Variants in IRAK2 observed in about 807,000 individuals in gnomAD.
The protein encoded by IRAK2 is interleukin-1 receptor-associated kinase-like 2.
In IRAK2, 57 loss-of-function variants were observed where a neutral mutation model predicts 72.0. The observed-to-expected ratio is 0.79, with a 90% CI of 0.64 to 0.99. The LOEUF (loss-of-function observed/expected upper bound fraction) is 0.99, where lower values mean the gene tolerates loss of function less well. IRAK2 is among the 50% of genes least tolerant of loss of function. The probability of loss-of-function intolerance (pLI) is 0.00; values close to 1 mark genes in which losing one functional copy is unlikely to be tolerated. For missense variants in IRAK2, 790 were observed against 794.4 expected, an observed-to-expected ratio of 0.99 and a Z score of 0.07; for synonymous variants, 293 against 312.7, an observed-to-expected ratio of 0.94 and a Z score of 0.67.
At chr3:10,200,224 A>G (rs2125151531) in intron 2 of IRAK2, 145 bp from the exon 3 acceptor site, 1 of 672,506 alleles carries the variant, frequency 1.5e-6, no homozygotes, top group East Asian at 2.7e-5. Flanking sequence ...GGGGCCAGAA[A>G]GGGAAAGACC....
rs200747201 is a variant in IRAK2 at position 10,222,866 on chromosome 3, A to T, written c.1209+35A>T. The stretch of plus-strand genomic sequence containing the variant: ...TCCTGCTCTGCGTAGAGTGGGGCCC[A>T]CCTTGATTTGTCCTTCCCACGGCTC... On this transcript the variant is annotated intron_variant, in intron 9 of 12. Coordinates refer to ENST00000256458, the MANE Select transcript of IRAK2 (RefSeq NM_001570.4). 1.8e-5 allele frequency: 29 copies of T among 1,583,158 alleles called. No homozygotes were observed. In the African/African-American group the frequency reaches 3.1e-4, roughly 17 times the overall value.
At chr3:10,213,098 A>C in intron 4 of IRAK2, 109 bp from the exon 5 acceptor site, 1 of 908,246 alleles carries the variant, frequency 1.1e-6, no homozygotes, top group Non-Finnish European at 1.7e-6. Context: ...TTTCCATTGG[A>C]TAAGTTGATC....
chr3:10,198,012 A>T (rs1303496438), intron 2 of IRAK2, among the ~76,000 whole-genome samples: 2 of 151,414 alleles, frequency 1.3e-5, no homozygotes, highest in African/African-American at 4.9e-5. Context: ...ATCCTGGCTA[A>T]CACAGTGAAA....
At chr3:10,234,355 GT>G (rs1697914890) in intron 10 of IRAK2, 103 bp from the exon 11 acceptor site, 1 of 909,490 alleles carries the variant, frequency 1.1e-6, no homozygotes, top group Admixed American at 2.0e-5. Context: ...TGTCCGGTCG[GT>G]TTTCTGAGCA....
At chr3:10,235,772 C>T (rs1697946441) in intron 11 of IRAK2, among the ~76,000 whole-genome samples, 3 of 152,150 alleles carry the variant, frequency 2.0e-5, no homozygotes, top group South Asian at 2.1e-4. Flanking sequence ...AGTGAAGGGC[C>T]ACAGACGAGA....
Position 10,213,526 on chromosome 3 carries a change from G to A in IRAK2, c.766G>A (p.Ala256Thr). ...SPGSIERFFQ[A>T]ELQICLRCCH... Reference sequence around the variant, plus strand: ...AGGATCAATCGAAAGATTCTTCCAGGCAGAGTTGCAGATTTGTCTTAGGTA... The same window carrying A: ...AGGATCAATCGAAAGATTCTTCCAGACAGAGTTGCAGATTTGTCTTAGGTA... Residue 256 changes from alanine (A) to threonine (T), a missense_variant, in exon 6 of 13, where the codon GCA (alanine) becomes ACA (threonine). Coordinates refer to ENST00000256458, the MANE Select transcript of IRAK2 (RefSeq NM_001570.4). The A allele has an allele frequency of 1.2e-6, 2 of 1,614,040 alleles. No homozygotes were observed. Among genetic ancestry groups the A allele is most frequent in the Non-Finnish European group, 1.7e-6 (2 of 1,179,972 alleles).
chr3:10,190,299 GAGAC>G lies in IRAK2; in HGVS notation c.278-10066_278-10063del, dbSNP rs1340519736. Among the ~76,000 whole-genome samples the G allele has an allele frequency of 7.8e-5, 8 of 101,952 alleles. No homozygotes were observed. In the South Asian group the frequency reaches 2.6e-3, roughly 33 times the overall value. 66.9% of individuals were successfully genotyped at this position (101,952 alleles called of 152,430 possible). ...TGTTTCTTTTTTTTTTTTTTTTTGT[GAGAC>G]AGAGTCTCACTCTGTTGTCCAGGCT... On this transcript the variant is annotated intron_variant, in intron 2 of 12. Transcript: ENST00000256458.
At chr3:10,170,305 C>A (rs1172671452) in intron 1 of IRAK2, among the ~76,000 whole-genome samples, 2 of 152,228 alleles carry the variant, frequency 1.3e-5, no homozygotes, top group Non-Finnish European at 2.9e-5. Context: ...CTTGGCCAGA[C>A]CCAGAGAATC....
intron 1 of IRAK2, among the ~76,000 whole-genome samples, chr3:10,170,406 T>C (rs893681434): frequency 6.6e-6 from 1 of 152,200 alleles, no homozygotes; most frequent in African/African-American, 2.4e-5. Context: ...GTCTCGGGGC[T>C]TAGGATGTGG....
chr3:10,237,847 T>G (rs1575993046), intron 11 of IRAK2, among the ~76,000 whole-genome samples: 1 of 150,738 alleles, frequency 6.6e-6, no homozygotes, highest in Non-Finnish European at 1.5e-5. Context: ...ATGGATACAT[T>G]AGTATACTGA....
At chr3:10,230,265 T>A (rs1697838128) in intron 10 of IRAK2, among the ~76,000 whole-genome samples, 1 of 151,956 alleles carries the variant, frequency 6.6e-6, no homozygotes. Context: ...CTCTATAAAT[T>A]GAGGATAATA....
At chr3:10,239,557 T>C (rs1265721810) in intron 12 of IRAK2, among the ~76,000 whole-genome samples, 1 of 151,940 alleles carries the variant, frequency 6.6e-6, no homozygotes, top group Non-Finnish European at 1.5e-5. Context: ...AAACCCTGTC[T>C]CTACTAAAAA....
intron 3 of IRAK2, among the ~76,000 whole-genome samples, chr3:10,208,869 A>G (rs148835434): frequency 0.011 from 1,737 of 152,232 alleles, 29 homozygotes; most frequent in African/African-American, 0.039. Context: ...TCAGCCTCCC[A>G]AAGTGCTGGT....
rs74603251 is a variant in IRAK2, at chr3:10,208,371, G to T, written c.425-1218G>T. On this transcript the variant is annotated intron_variant, in intron 3 of 12. Coordinates refer to ENST00000256458, the MANE Select transcript of IRAK2 (RefSeq NM_001570.4). The stretch of plus-strand genomic sequence containing the variant: ...GGCTAGAGTGCAGTGGTGTGATCAT[G>T]GCTCAATATAGCCTTGACCTCCTGG... Among the ~76,000 whole-genome samples the T allele has an allele frequency of 1.5e-3, 230 of 151,844 alleles. 1 individual carries two copies. The highest frequency in any genetic ancestry group is 5.4e-3 in the African/African-American group (222 of 41,242).
intron 10 of IRAK2, among the ~76,000 whole-genome samples, chr3:10,226,964 A>AAAG (rs1697788999): frequency 6.7e-6 from 1 of 148,366 alleles, no homozygotes; most frequent in African/African-American, 2.5e-5. Context: ...AAAAAAAAAA[A>AAAG]AGATTTTGGA....
chr3:10,214,518 A>C (rs1396893094), intron 6 of IRAK2, among the ~76,000 whole-genome samples: 1 of 144,956 alleles, frequency 6.9e-6, no homozygotes, highest in Admixed American at 7.1e-5. Context: ...GGTGTGAGCC[A>C]CTGTGCCCTG....
At chr3:10,167,555 C>G (rs1364990350) in intron 1 of IRAK2, among the ~76,000 whole-genome samples, 1 of 152,012 alleles carries the variant, frequency 6.6e-6, no homozygotes, top group East Asian at 1.9e-4. Context: ...GCTTGGACTA[C>G]AGGTGCCTGC....
At chr3:10,184,141 C>T (rs1242791821) in intron 2 of IRAK2, among the ~76,000 whole-genome samples, 2 of 152,200 alleles carry the variant, frequency 1.3e-5, no homozygotes, top group Non-Finnish European at 2.9e-5. Flanking sequence ...GGGTACACTC[C>T]ACTTCTTTTA....
chr3:10,204,356 AGCATCAGG>A (rs1369621008), intron 3 of IRAK2, among the ~76,000 whole-genome samples: 1 of 152,226 alleles, frequency 6.6e-6, no homozygotes, highest in Non-Finnish European at 1.5e-5. Context: ...ACCCGCTGCC[AGCATCAGG>A]GCAGGACATA....
Sources: gnomAD v4.1 joint callset for allele counts (sites outside exome capture counted in the v4.1 genomes callset) on GRCh38, gnomAD v4.1.1 for gene constraint, MANE v1.5 for transcripts, NCBI Gene and HGNC (gene_info 2026-07-23, HGNC 2026-07-21) for gene names.